ZMYM4: variants seen among roughly 807,000 people sequenced by gnomAD.
ZMYM4 encodes zinc finger MYM-type containing 4.
In ZMYM4, 31 loss-of-function variants were observed where a neutral mutation model predicts 183.2. The observed-to-expected ratio is 0.17, with a 90% CI of 0.13 to 0.23. The LOEUF is 0.23. Among genes scored for constraint, ZMYM4 ranks in the 10% least tolerant of loss-of-function variants. The pLI is 1.00. For missense variants in ZMYM4, 1,273 were observed against 1,840.3 expected (o/e 0.69, Z 5.64); for synonymous variants, 592 against 631.2 (o/e 0.94, Z 0.93).
intron 26 of ZMYM4, 113 bp downstream of exon 26, chr1:35,408,272 T>A: frequency 7.7e-7 from 1 of 1,294,888 alleles, no homozygotes; most frequent in Non-Finnish European, 1.1e-6. Context: ...GTATTTTCAT[T>A]GGAACATTGT....
rs1441047823 is a variant in ZMYM4 at position 35,397,559 on chromosome 1, TTAAAAG to T, written c.3199+19_3199+24del. ...TATCTCAGGGAGGTTGGTATACTCT[TTAAAAG>T]TAAAGAAAGAAAAAACACGTTTTAC... is the stretch of plus-strand genomic sequence containing the variant. On this transcript the variant is annotated intron_variant, in intron 20 of 29. Coordinates refer to ENST00000314607, the MANE Select transcript of ZMYM4 (RefSeq NM_005095.3). 1.3e-5 allele frequency: 20 copies of T among 1,572,652 alleles called. No individual in the cohort carries two copies. Among genetic ancestry groups the T allele is most frequent in the Admixed American group, 2.0e-5 (1 of 49,520 alleles).
intron 1 of ZMYM4, among the ~76,000 whole-genome samples, chr1:35,269,832 C>T (rs1639507788): frequency 1.3e-5 from 2 of 152,130 alleles, no homozygotes; most frequent in African/African-American, 2.4e-5. Flanking sequence ...TTATTTAATT[C>T]TGAGTGGTTT....
chr1:35,414,926 T>A (rs772393702), intron 27 of ZMYM4, among the ~76,000 whole-genome samples: 39 of 152,162 alleles, frequency 2.6e-4, no homozygotes, highest in Non-Finnish European at 4.0e-4. Flanking sequence ...TGGTGCCTTG[T>A]AGTCCCAGCT....
At chr1:35,399,622 A>T in intron 23 of ZMYM4, 46 bp downstream of exon 23, 2 of 1,599,826 alleles carry the variant, frequency 1.3e-6, no homozygotes, top group Non-Finnish European at 1.7e-6. Context: ...CCTTCATTCT[A>T]CAAGCATTAT....
chr1:35,316,102 T>C (rs116110753), intron 1 of ZMYM4, among the ~76,000 whole-genome samples: 2,045 of 152,256 alleles, frequency 0.013, 50 homozygotes, highest in African/African-American at 0.047. Context: ...TTGTGAGCAT[T>C]AAATTTGAAC....
intron 1 of ZMYM4, among the ~76,000 whole-genome samples, chr1:35,297,726 C>T (rs1472964543): frequency 6.6e-6 from 1 of 152,152 alleles, no homozygotes; most frequent in African/African-American, 2.4e-5. Flanking sequence ...TCACCAACCA[C>T]AGGTGATAGC....
At chr1:35,317,108 G>A (rs1032040961) in intron 1 of ZMYM4, among the ~76,000 whole-genome samples, 1 of 144,528 alleles carries the variant, frequency 6.9e-6, no homozygotes, top group East Asian at 2.0e-4. Flanking sequence ...GGGGACAAGA[G>A]CGAGACTTCA....
intron 2 of ZMYM4, among the ~76,000 whole-genome samples, chr1:35,335,443 G>A (rs945935995): frequency 1.3e-5 from 2 of 151,892 alleles, no homozygotes; most frequent in African/African-American, 4.8e-5. Flanking sequence ...CACCATGCTG[G>A]CAAGGCTGAT....
chr1:35,339,135 A>G (rs1156678796), intron 2 of ZMYM4, among the ~76,000 whole-genome samples: 1 of 152,190 alleles, frequency 6.6e-6, no homozygotes, highest in African/African-American at 2.4e-5. Flanking sequence ...GGAAAAAAAT[A>G]TTGATGATTG....
In ZMYM4 at chr1:35,389,015, T is replaced by C. The variant is rs1218901827; in HGVS notation, c.2369T>C (p.Leu790Ser). The change falls in exon 14 of 30, where the codon TTA (leucine) becomes TCA (serine). Residue 790 changes from leucine to serine, a missense_variant. Around this residue, in one of 6 missense-constraint regions of ZMYM4, gnomAD observed 319 missense variants for 518.1 expected, o/e 0.62. Transcript: ENST00000314607. This position sits in a 1 kb window ranked among gnomAD's most constrained non-coding sequence, Gnocchi z 4.0. ...QTSPKLVQNN[L>S]GGKVEEFCCE... is the part of the protein sequence containing the mutation. ...TCTCCCAAATTGGTACAGAATAATTTAGGAGGGAAAGTGGAAGAGTTCTGT... is the reference window on the plus strand; with the variant it reads ...TCTCCCAAATTGGTACAGAATAATTCAGGAGGGAAAGTGGAAGAGTTCTGT... 6 of 1,614,018 alleles carry C rather than the reference T, an allele frequency of 3.7e-6. No homozygotes were observed. In the Admixed American group the frequency reaches 8.3e-5, roughly 22 times the overall value.
intron 26 of ZMYM4, among the ~76,000 whole-genome samples, chr1:35,409,891 G>T (rs761930994): frequency 6.6e-5 from 10 of 150,952 alleles, no homozygotes; most frequent in Admixed American, 5.3e-4. Context: ...AGTGAGCCAA[G>T]ATCGCGCCCC....
At chr1:35,276,100 C>G (rs545892640) in intron 1 of ZMYM4, among the ~76,000 whole-genome samples, 1 of 152,134 alleles carries the variant, frequency 6.6e-6, no homozygotes, top group African/African-American at 2.4e-5. Context: ...GAGAACCCAG[C>G]ACATATCAAG....
chr1:35,367,482 G>A (rs887566721), intron 5 of ZMYM4, among the ~76,000 whole-genome samples: 2 of 151,980 alleles, frequency 1.3e-5, no homozygotes, highest in Non-Finnish European at 2.9e-5. Context: ...ACCCACCTCG[G>A]CCTCCCAAGG....
chr1:35,270,745 C>G (rs1639555200), intron 1 of ZMYM4, among the ~76,000 whole-genome samples: 1 of 152,090 alleles, frequency 6.6e-6, no homozygotes, highest in African/African-American at 2.4e-5. Flanking sequence ...CTACTGCACT[C>G]TAGCCTAGGT....
chr1:35,342,347 G>GAGA (rs897883021), intron 2 of ZMYM4, among the ~76,000 whole-genome samples: 1 of 151,910 alleles, frequency 6.6e-6, no homozygotes, highest in Non-Finnish European at 1.5e-5. Flanking sequence ...TTTTTGTAGA[G>GAGA]AGAAGGTCTT....
At chr1:35,401,420 A>G (rs1199751819) in intron 23 of ZMYM4, among the ~76,000 whole-genome samples, 2 of 152,156 alleles carry the variant, frequency 1.3e-5, no homozygotes, top group African/African-American at 4.8e-5. Flanking sequence ...TTTGCCATTC[A>G]TGTGTCTTCT....
At chr1:35,291,545 C>T (rs933717339) in intron 1 of ZMYM4, among the ~76,000 whole-genome samples, 4 of 151,808 alleles carry the variant, frequency 2.6e-5, no homozygotes, top group Non-Finnish European at 5.9e-5. Context: ...CCTGCTCTTC[C>T]TTCAAGAACC....
chr1:35,380,529 T>G (rs2148963070), intron 7 of ZMYM4, among the ~76,000 whole-genome samples: 1 of 152,226 alleles, frequency 6.6e-6, no homozygotes, highest in South Asian at 2.1e-4. Flanking sequence ...GGTTTCACCG[T>G]GTTAGCCAGG....
intron 1 of ZMYM4, among the ~76,000 whole-genome samples, chr1:35,316,354 G>C (rs1383819621): frequency 1.3e-5 from 2 of 152,132 alleles, no homozygotes; most frequent in Non-Finnish European, 2.9e-5. Context: ...TGATATGCTT[G>C]AATTTCAGTT....
Sources: gnomAD v4.1 joint callset for allele counts (sites outside exome capture counted in the v4.1 genomes callset) on GRCh38, gnomAD v4.1.1 for gene constraint, gnomAD v4.1.1 regional missense constraint, Gnocchi (gnomAD v3.1) non-coding constraint, MANE v1.5 for transcripts, NCBI Gene and HGNC (gene_info 2026-07-23, HGNC 2026-07-21) for gene names.